The following CDH13 variants were observed in gnomAD, a reference collection of about 807,000 sequenced individuals.
CDH13 encodes the protein cadherin-13.
In CDH13, 24 loss-of-function variants were observed where a neutral mutation model predicts 63.8. That is an observed-to-expected ratio of 0.38 (90% CI 0.27 to 0.53). The LOEUF (loss-of-function observed/expected upper bound fraction) is 0.53, where lower values mean the gene tolerates loss of function less well. CDH13 is among the 20% of genes least tolerant of loss of function. CDH13 has a pLI of 0.85. For synonymous variants in CDH13, 503 were observed against 355.3 expected, an observed-to-expected ratio of 1.42 and a Z score of -4.67; for missense variants, 1,049 against 903.1, an observed-to-expected ratio of 1.16 and a Z score of -2.07.
chr16:83,349,952 C>T (rs1461324452), intron 6 of CDH13, among the ~76,000 whole-genome samples: 1 of 152,084 alleles, frequency 6.6e-6, no homozygotes, highest in Non-Finnish European at 1.5e-5. Flanking sequence ...CAGCTTTATC[C>T]TTTTTGGGGA....
At chr16:82,678,913 G>A (rs1914237005) in intron 1 of CDH13, among the ~76,000 whole-genome samples, 2 of 152,150 alleles carry the variant, frequency 1.3e-5, no homozygotes, top group Non-Finnish European at 2.9e-5. Flanking sequence ...GCCAATAATT[G>A]GGACTGTGTG....
chr16:83,653,048 G>A (rs929039018), intron 8 of CDH13, among the ~76,000 whole-genome samples: 2 of 152,138 alleles, frequency 1.3e-5, no homozygotes, highest in Non-Finnish European at 2.9e-5. Context: ...AAGTCAGACA[G>A]AAATGGCCAT....
chr16:82,735,970 C>T (rs905604277), intron 1 of CDH13, among the ~76,000 whole-genome samples: 1 of 152,162 alleles, frequency 6.6e-6, no homozygotes, highest in Non-Finnish European at 1.5e-5. Context: ...GGTTTCTCTG[C>T]TCATTTGAAT....
intron 4 of CDH13, among the ~76,000 whole-genome samples, chr16:83,160,443 G>C (rs534600306): frequency 3.3e-5 from 5 of 152,300 alleles, no homozygotes; most frequent in African/African-American, 1.2e-4. Context: ...TATGGCAATG[G>C]AGATGAAGGG....
chr16:83,496,613 T>A (rs1214230788), intron 7 of CDH13, among the ~76,000 whole-genome samples: 1 of 152,302 alleles, frequency 6.6e-6, no homozygotes, highest in East Asian at 1.9e-4. Flanking sequence ...AAGGACTTCA[T>A]GTCTAAAACA....
At chr16:83,742,698 C>A (rs571495779) in intron 10 of CDH13, among the ~76,000 whole-genome samples, 1 of 152,334 alleles carries the variant, frequency 6.6e-6, no homozygotes, top group South Asian at 2.1e-4. Flanking sequence ...TGGTCTTGAG[C>A]TGTTCTCCCT....
At chr16:83,078,350 A>G (rs1368913581) in intron 3 of CDH13, among the ~76,000 whole-genome samples, 2 of 152,094 alleles carry the variant, frequency 1.3e-5, no homozygotes, top group Non-Finnish European at 2.9e-5. Context: ...GACGGGGATG[A>G]TGGTTTGGGG....
At chr16:83,078,114 C>CA (rs890979571) in intron 3 of CDH13, among the ~76,000 whole-genome samples, 1 of 152,148 alleles carries the variant, frequency 6.6e-6, no homozygotes, top group African/African-American at 2.4e-5. Context: ...GGAGACTGCT[C>CA]ACGCGTGCAT....
chr16:83,395,473 A>G (rs2091870327), intron 6 of CDH13, among the ~76,000 whole-genome samples: 1 of 152,136 alleles, frequency 6.6e-6, no homozygotes, highest in Admixed American at 6.5e-5. Flanking sequence ...ACCTCCTTTC[A>G]AAGTGGCTTC....
At chr16:83,354,567 G>T (rs753620333) in intron 6 of CDH13, among the ~76,000 whole-genome samples, 1 of 152,136 alleles carries the variant, frequency 6.6e-6, no homozygotes, top group Non-Finnish European at 1.5e-5. Flanking sequence ...ATAAAACAAG[G>T]TACATTGTTT....
At chr16:83,746,332 GT>G (rs778783598) in intron 10 of CDH13, among the ~76,000 whole-genome samples, 1 of 152,160 alleles carries the variant, frequency 6.6e-6, no homozygotes, top group Non-Finnish European at 1.5e-5. Context: ...CCACGGTCGT[GT>G]GGTCTTCTCC....
chr16:83,380,370 C>T (rs943752404), intron 6 of CDH13, among the ~76,000 whole-genome samples: 3 of 152,020 alleles, frequency 2.0e-5, no homozygotes, highest in Non-Finnish European at 4.4e-5. Context: ...GGAAGGTAAC[C>T]ATCATTGGTT....
At chr16:83,584,248 G>A (rs937824129) in intron 7 of CDH13, among the ~76,000 whole-genome samples, 14 of 152,130 alleles carry the variant, frequency 9.2e-5, no homozygotes, top group African/African-American at 3.1e-4. Flanking sequence ...AGAATGGCGT[G>A]AACCCAGGAG....
chr16:83,115,092 A>C (rs2035232212), intron 3 of CDH13, among the ~76,000 whole-genome samples: 1 of 152,216 alleles, frequency 6.6e-6, no homozygotes, highest in Non-Finnish European at 1.5e-5. Flanking sequence ...TAAATGGATC[A>C]AAGGACCTCT....
chr16:82,959,977 A>T (rs1405164927), intron 2 of CDH13, among the ~76,000 whole-genome samples: 1 of 152,246 alleles, frequency 6.6e-6, no homozygotes, highest in Non-Finnish European at 1.5e-5. Context: ...ATTTTTTAAA[A>T]AAACATTGCT....
intron 6 of CDH13, among the ~76,000 whole-genome samples, chr16:83,391,465 A>C (rs2091784926): frequency 6.6e-6 from 1 of 152,140 alleles, no homozygotes; most frequent in South Asian, 2.1e-4. Flanking sequence ...CAGCCTCCCA[A>C]AGTGCTGGGA....
rs1555531938 is a variant in CDH13 at position 82,673,002 on chromosome 16, T to TC, written c.45+45865_45+45866insC. The stretch of plus-strand genomic sequence containing the variant: ...TGGCTAATTTTTATAAAGTTTTCTT[T>TC]TTTTTTTTTTTTTTTTTGTAGAGAT... On this transcript the variant is annotated intron_variant, in intron 1 of 13. Coordinates refer to ENST00000567109, the MANE Select transcript of CDH13 (RefSeq NM_001257.5). 7.0e-4 allele frequency among the ~76,000 whole-genome samples: 80 copies of TC among 114,446 alleles called. 3 individuals carry two copies. Among genetic ancestry groups the TC allele is most frequent in the East Asian group, 1.5e-3 (6 of 3,922 alleles). 75.1% of individuals were successfully genotyped at this position (114,446 alleles called of 152,430 possible).
chr16:83,788,913 A>AG (rs112139775), intron 13 of CDH13, among the ~76,000 whole-genome samples: 19,708 of 152,208 alleles, frequency 0.13, 2,126 homozygotes, highest in African/African-American at 0.3. Flanking sequence ...GTACAAAGAC[A>AG]GTAGTTTCAG....
At chr16:83,478,087 G>C (rs904262778) in intron 6 of CDH13, among the ~76,000 whole-genome samples, 2 of 151,478 alleles carry the variant, frequency 1.3e-5, no homozygotes, top group Non-Finnish European at 2.9e-5. Flanking sequence ...ATGAACCCAA[G>C]AGGCGGAGCT....
Sources: gnomAD v4.1 joint callset for allele counts (sites outside exome capture counted in the v4.1 genomes callset) on GRCh38, gnomAD v4.1.1 for gene constraint, MANE v1.5 for transcripts, NCBI Gene and HGNC (gene_info 2026-07-23, HGNC 2026-07-21) for gene names.